The following BTC variants were observed in gnomAD, a reference collection of about 807,000 sequenced individuals.
The protein encoded by BTC is probetacellulin.
Under a neutral mutation model 18.1 loss-of-function variants are expected in BTC, and 13 were observed. The observed-to-expected ratio is 0.72, with a 90% CI of 0.47 to 1.14. The LOEUF (loss-of-function observed/expected upper bound fraction) is 1.14. BTC is among the 50% of genes most tolerant of loss of function. BTC has a pLI of 0.00. For synonymous variants in BTC, 83 were observed against 79.4 expected (o/e 1.05, Z -0.24); for missense variants, 247 against 224.2 (o/e 1.10, Z -0.65).
intron 1 of BTC, among the ~76,000 whole-genome samples, chr4:74,772,522 T>C (rs1273453442): frequency 2.0e-5 from 3 of 152,150 alleles, no homozygotes; most frequent in Non-Finnish European, 4.4e-5. Flanking sequence ...AAACTCTTTA[T>C]ATTCAAAAAT....
intron 1 of BTC, among the ~76,000 whole-genome samples, chr4:74,789,817 G>A (rs1385904725): frequency 1.3e-5 from 2 of 152,064 alleles, no homozygotes; most frequent in South Asian, 4.2e-4. Flanking sequence ...CGATTTTCAT[G>A]AGATTTCCTA....
intron 1 of BTC, among the ~76,000 whole-genome samples, chr4:74,772,323 G>A (rs145000817): frequency 1.9e-3 from 284 of 152,172 alleles, no homozygotes; most frequent in African/African-American, 6.4e-3. Flanking sequence ...TTATTTACAC[G>A]TTTACTCCCA....
chr4:74,748,293 A>G, intron 4 of BTC, 144 bp from the exon 5 acceptor site: 2 of 488,074 alleles, frequency 4.1e-6, no homozygotes, highest in Non-Finnish European at 7.1e-6. Flanking sequence ...TCACGCCTGT[A>G]ATCCCAGCAC....
intron 3 of BTC, among the ~76,000 whole-genome samples, chr4:74,754,254 C>CTAT (rs1419583446): frequency 2.0e-5 from 3 of 152,182 alleles, no homozygotes; most frequent in Non-Finnish European, 4.4e-5. Flanking sequence ...AATAGGGGCA[C>CTAT]TATTTGTTCA....
chr4:74,754,224 T>C (rs550259181), intron 3 of BTC, among the ~76,000 whole-genome samples: 3 of 152,344 alleles, frequency 2.0e-5, no homozygotes, highest in African/African-American at 4.8e-5. Flanking sequence ...GGAAATTTGG[T>C]ATAGCATTAG....
intron 1 of BTC, among the ~76,000 whole-genome samples, chr4:74,787,462 AGT>A (rs997644296): frequency 1.3e-5 from 2 of 152,238 alleles, no homozygotes; most frequent in African/African-American, 2.4e-5. Flanking sequence ...TTAGATATAC[AGT>A]TGAAATACTA....
chr4:74,773,242 G>T (rs1352934850), intron 1 of BTC, among the ~76,000 whole-genome samples: 1 of 152,246 alleles, frequency 6.6e-6, no homozygotes. Context: ...GGAAGGTCTC[G>T]CAAGACAGAT....
rs1724272549 is a variant in BTC, at chr4:74,745,785, A to C, written c.*892T>G. The C allele has an allele frequency of 6.6e-6, 1 of 152,202 alleles. No homozygotes were observed. The highest frequency in any genetic ancestry group is 1.5e-5 in the Non-Finnish European group (1 of 68,042). The allele number at this position is 152,202 out of a possible 1,614,324, so 9.4% of individuals were successfully genotyped here. On this transcript the variant is annotated 3_prime_UTR_variant, in exon 6 of 6. Transcript: ENST00000395743. ...TATTTATATTTTATTGAGCATAAAC[A>C]CTTACCCAGGGCTTAAGGAATGCCA...
In BTC at chr4:74,772,458, T is replaced by A. The variant is rs13135125; in HGVS notation, c.65-2302A>T. On this transcript the variant is annotated intron_variant, in intron 1 of 5. Coordinates refer to ENST00000395743, the MANE Select transcript of BTC (RefSeq NM_001729.4). ...GGTGCCTAATACAGAATTTAATGAA[T>A]ATTCAACAAATGTTAAAAGACTGAG... Among the ~76,000 whole-genome samples, 1,331 of 152,304 alleles carry A rather than the reference T, an allele frequency of 8.7e-3. 11 individuals are homozygous for A. Among genetic ancestry groups the A allele is most frequent in the Non-Finnish European group, 0.014 (952 of 68,016 alleles).
intron 2 of BTC, among the ~76,000 whole-genome samples, chr4:74,763,438 T>C (rs1553957528): frequency 6.6e-6 from 1 of 152,068 alleles, no homozygotes; most frequent in Admixed American, 6.6e-5. Context: ...CAGTATATGG[T>C]CTCTATTTTT....
intron 2 of BTC, among the ~76,000 whole-genome samples, chr4:74,761,031 G>A (rs1724742553): frequency 6.6e-6 from 1 of 152,044 alleles, no homozygotes; most frequent in African/African-American, 2.4e-5. Context: ...AATGCGCCTG[G>A]CCTAGCATGT....
At chr4:74,760,734 ATTTT>A (rs72231277) in intron 2 of BTC, among the ~76,000 whole-genome samples, 39 of 135,852 alleles carry the variant, frequency 2.9e-4, no homozygotes, top group South Asian at 4.7e-4. Context: ...TTAGCATGTC[ATTTT>A]TTTTTTTTTT....
chr4:74,754,168 A>G (rs1194503961), intron 3 of BTC, among the ~76,000 whole-genome samples: 1 of 152,184 alleles, frequency 6.6e-6, no homozygotes, highest in Non-Finnish European at 1.5e-5. Flanking sequence ...ACTGTGTATT[A>G]TTCCTCTACT....
At chr4:74,750,922 T>C (rs1179530290) in intron 3 of BTC, among the ~76,000 whole-genome samples, 2 of 152,212 alleles carry the variant, frequency 1.3e-5, no homozygotes, top group African/African-American at 4.8e-5. Context: ...ACTTGATCAT[T>C]AGACATTATT....
chr4:74,770,647 A>C (rs983348132), intron 1 of BTC, among the ~76,000 whole-genome samples: 4 of 152,100 alleles, frequency 2.6e-5, no homozygotes, highest in African/African-American at 9.7e-5. Flanking sequence ...TCCTCTAGCT[A>C]AGAATCTCTG....
At chr4:74,785,820 A>G (rs1307733353) in intron 1 of BTC, among the ~76,000 whole-genome samples, 1 of 152,194 alleles carries the variant, frequency 6.6e-6, no homozygotes. Context: ...ACCTTGGGCA[A>G]GTTGCTTAAT....
intron 1 of BTC, among the ~76,000 whole-genome samples, chr4:74,788,051 T>C (rs1489409300): frequency 1.3e-5 from 2 of 152,158 alleles, no homozygotes; most frequent in African/African-American, 4.8e-5. Context: ...TAGGAAACCA[T>C]GTAATATTTT....
In BTC at chr4:74,745,623, A is replaced by G. The variant is rs191374449; in HGVS notation, c.*1054T>C. 282 of 152,332 alleles carry G rather than the reference A, an allele frequency of 1.9e-3. 2 individuals carry two copies. Among genetic ancestry groups the G allele is most frequent in the African/African-American group, 6.7e-3 (279 of 41,574 alleles). The allele number at this position is 152,332 out of a possible 1,614,324, so 9.4% of individuals were successfully genotyped here. ...GTTATGGTCATGAATTTACTGCATC[A>G]AAATTTACCTGAGAGCAATCATATA... On this transcript the variant is annotated 3_prime_UTR_variant, in exon 6 of 6. Coordinates refer to ENST00000395743, the MANE Select transcript of BTC (RefSeq NM_001729.4).
chr4:74,783,765 ATTTG>A (rs1293903757), intron 1 of BTC, among the ~76,000 whole-genome samples: 1 of 151,860 alleles, frequency 6.6e-6, no homozygotes, highest in Non-Finnish European at 1.5e-5. Flanking sequence ...ATGTTTTCCC[ATTTG>A]TTTGTGTCCT....
Sources: gnomAD v4.1 joint callset for allele counts (sites outside exome capture counted in the v4.1 genomes callset) on GRCh38, gnomAD v4.1.1 for gene constraint, MANE v1.5 for transcripts, NCBI Gene and HGNC (gene_info 2026-07-23, HGNC 2026-07-21) for gene names.